The following TMEM132C variants were observed in gnomAD, a reference collection of about 807,000 sequenced individuals.
TMEM132C encodes the protein protein phosphatase 1, regulatory subunit 152.
In TMEM132C, 29 loss-of-function variants were observed where a neutral mutation model predicts 61.4. The observed-to-expected ratio is 0.47, with a 90% CI of 0.35 to 0.64. The LOEUF (loss-of-function observed/expected upper bound fraction) is 0.64, where lower values mean the gene tolerates loss of function less well. Ranked by LOEUF, TMEM132C falls within the 30% of genes least tolerant of loss-of-function variation. The pLI, the probability that TMEM132C is intolerant of heterozygous loss-of-function variation, is 0.00. For synonymous variants in TMEM132C, 656 were observed against 633.1 expected, an observed-to-expected ratio of 1.04 and a Z score of -0.54; for missense variants, 1,408 against 1,476.9, an observed-to-expected ratio of 0.95 and a Z score of 0.76.
At chr12:128,275,342 CAT>C (rs1232511979) in intron 1 of TMEM132C, among the ~76,000 whole-genome samples, 2 of 152,126 alleles carry the variant, frequency 1.3e-5, no homozygotes, top group Non-Finnish European at 2.9e-5. Flanking sequence ...ATTAGATTCT[CAT>C]AGAAGCTAGA....
chr12:128,378,098 A>G (rs1421899883), intron 1 of TMEM132C, among the ~76,000 whole-genome samples: 1 of 138,436 alleles, frequency 7.2e-6, no homozygotes, highest in Non-Finnish European at 1.6e-5. Context: ...TGGAGGTGCA[A>G]AAATAGAGCA....
In TMEM132C at chr12:128,543,954, C is replaced by G. The variant is rs1367542675; in HGVS notation, c.975-3C>G. On this transcript the variant is annotated splice_region_variant and splice_polypyrimidine_tract_variant and intron_variant, in intron 2 of 8. Transcript: ENST00000435159. ...TCTCTCTCTCCCATCTTCATCCCCACAGAGCCAAGGTGAAGAAGGGGGTGA... is the reference window on the plus strand; with the variant it reads ...TCTCTCTCTCCCATCTTCATCCCCAGAGAGCCAAGGTGAAGAAGGGGGTGA... 30 of 1,544,130 alleles carry G rather than the reference C, an allele frequency of 1.9e-5. No individual in the cohort carries two copies. The highest frequency in any genetic ancestry group is 2.6e-5 in the Non-Finnish European group (30 of 1,143,816).
At chr12:128,588,581 GTGTT>G (rs1404588980) in intron 3 of TMEM132C, among the ~76,000 whole-genome samples, 7 of 129,454 alleles carry the variant, frequency 5.4e-5, no homozygotes, top group Non-Finnish European at 8.1e-5. Flanking sequence ...TATGGACTGA[GTGTT>G]TGTGTCCCCC....
intron 4 of TMEM132C, among the ~76,000 whole-genome samples, chr12:128,664,441 G>T (rs1173458640): frequency 6.6e-6 from 1 of 152,188 alleles, no homozygotes; most frequent in African/African-American, 2.4e-5. Context: ...AAACAGAACA[G>T]TTCTCTGATT....
chr12:128,269,962 A>C (rs1393300986), intron 1 of TMEM132C, among the ~76,000 whole-genome samples: 1 of 152,220 alleles, frequency 6.6e-6, no homozygotes, highest in African/African-American at 2.4e-5. Flanking sequence ...GCAATTTGTC[A>C]GGGTTCGGAA....
intron 2 of TMEM132C, among the ~76,000 whole-genome samples, chr12:128,460,853 G>A (rs1870508591): frequency 6.6e-6 from 1 of 152,046 alleles, no homozygotes; most frequent in South Asian, 2.1e-4. Flanking sequence ...GCAGCTGGGT[G>A]GGGGGAATGC....
At chr12:128,587,067 G>A (rs916980775) in intron 3 of TMEM132C, among the ~76,000 whole-genome samples, 6 of 152,270 alleles carry the variant, frequency 3.9e-5, no homozygotes, top group African/African-American at 1.2e-4. Flanking sequence ...GTGTGGGGAT[G>A]CATCATGTAC....
chr12:128,573,692 G>A (rs115194556), intron 3 of TMEM132C, among the ~76,000 whole-genome samples: 6 of 152,146 alleles, frequency 3.9e-5, no homozygotes, highest in Middle Eastern at 3.4e-3. Context: ...GGATGCCAGA[G>A]GCTGGAGGAG....
intron 1 of TMEM132C, among the ~76,000 whole-genome samples, chr12:128,340,912 CTCTT>C (rs1327703180): frequency 2.7e-4 from 29 of 107,006 alleles, no homozygotes; most frequent in Non-Finnish European, 3.2e-4. Flanking sequence ...CTTTCTCTCT[CTCTT>C]TCTCTCTCTC....
chr12:128,683,127 G>T (rs918996077), intron 5 of TMEM132C, among the ~76,000 whole-genome samples: 23 of 152,074 alleles, frequency 1.5e-4, no homozygotes, highest in Non-Finnish European at 3.4e-4. Flanking sequence ...TCTGATTAAG[G>T]CTGTCATCCT....
intron 3 of TMEM132C, among the ~76,000 whole-genome samples, chr12:128,574,324 T>C (rs1379782): frequency 0.8 from 121,961 of 152,282 alleles, 49,803 homozygotes; most frequent in East Asian, 1. Flanking sequence ...TAATAGCTAA[T>C]GTCTCTCAAG....
intron 1 of TMEM132C, among the ~76,000 whole-genome samples, chr12:128,392,804 TCA>T (rs1874811549): frequency 7.0e-6 from 1 of 143,674 alleles, no homozygotes; most frequent in Non-Finnish European, 1.5e-5. Flanking sequence ...AAAAAAAAAA[TCA>T]CAAAAACATG....
intron 3 of TMEM132C, among the ~76,000 whole-genome samples, chr12:128,556,782 G>T (rs781305297): frequency 1.4e-4 from 21 of 152,156 alleles, no homozygotes; most frequent in Non-Finnish European, 2.9e-4. Context: ...CCAAAAGGAG[G>T]ACCCCCGAGC....
chr12:128,434,415 G>A (rs1483584495), intron 2 of TMEM132C, among the ~76,000 whole-genome samples: 3 of 145,030 alleles, frequency 2.1e-5, no homozygotes, highest in Admixed American at 6.9e-5. Flanking sequence ...ATTCTCCTGC[G>A]TCAGCCTCCC....
At chr12:128,659,283 C>T (rs1954360192) in intron 4 of TMEM132C, among the ~76,000 whole-genome samples, 1 of 152,126 alleles carries the variant, frequency 6.6e-6, no homozygotes, top group Non-Finnish European at 1.5e-5. Context: ...ATTCATCAGT[C>T]TGCAAAATCT....
chr12:128,566,348 T>C (rs939206403), intron 3 of TMEM132C, among the ~76,000 whole-genome samples: 6 of 152,226 alleles, frequency 3.9e-5, no homozygotes, highest in Non-Finnish European at 7.3e-5. Context: ...TTTGTGTGCA[T>C]ATTTCTGAAA....
chr12:128,357,772 T>G (rs1010621311), intron 1 of TMEM132C, among the ~76,000 whole-genome samples: 4 of 151,406 alleles, frequency 2.6e-5, no homozygotes, highest in Admixed American at 1.3e-4. Flanking sequence ...GTAAGGCCAG[T>G]GCAGTCCTGG....
rs59583362 is a variant in TMEM132C, at chr12:128,691,783, T to A, written c.1450-2046T>A. 6.8e-3 allele frequency among the ~76,000 whole-genome samples: 1,023 copies of A among 151,200 alleles called. 5 individuals are homozygous for A. Among genetic ancestry groups the A allele is most frequent in the African/African-American group, 0.023 (960 of 41,034 alleles). ...TCACCTGTCCACCCATCCATTCATG[T>A]GTCTGTCCCTCAGTGTGTGCATGCA... is the stretch of plus-strand genomic sequence containing the variant. On this transcript the variant is annotated intron_variant, in intron 5 of 8. Coordinates refer to ENST00000435159, the MANE Select transcript of TMEM132C (RefSeq NM_001136103.3).
At chr12:128,422,700 G>T (rs554399380) in intron 2 of TMEM132C, among the ~76,000 whole-genome samples, 3 of 152,296 alleles carry the variant, frequency 2.0e-5, no homozygotes, top group African/African-American at 7.2e-5. Context: ...AATATCATCA[G>T]CGTTTGGGGC....
Sources: gnomAD v4.1 joint callset for allele counts (sites outside exome capture counted in the v4.1 genomes callset) on GRCh38, gnomAD v4.1.1 for gene constraint, MANE v1.5 for transcripts, NCBI Gene and HGNC (gene_info 2026-07-23, HGNC 2026-07-21) for gene names.